Variants in NUP210L observed in about 807,000 individuals in gnomAD.
The protein encoded by NUP210L is nucleoporin 210 like, also known as nuclear pore membrane glycoprotein 210-like.
A neutral mutation model predicts 208.5 loss-of-function variants in NUP210L; 74 were observed. The ratio of observed to expected loss-of-function variants is 0.35; its 90% confidence interval spans 0.29 to 0.43. The LOEUF is 0.43. Ranked by LOEUF, NUP210L falls within the 20% of genes least tolerant of loss-of-function variation. The pLI, the probability that NUP210L is intolerant of heterozygous loss-of-function variation, is 1.00. For synonymous variants in NUP210L, 780 were observed against 816.9 expected (o/e 0.95, Z 0.77); for missense variants, 1,843 against 2,289.4 (o/e 0.81, Z 3.98).
At chr1:154,056,698 G>T in intron 23 of NUP210L, 117 bp downstream of exon 23, 1 of 1,026,346 alleles carries the variant, frequency 9.7e-7, no homozygotes, top group Non-Finnish European at 1.4e-6. Flanking sequence ...TCACATGGTG[G>T]TGTGAGCCAC....
chr1:154,141,580 G>A, intron 3 of NUP210L, 56 bp from the exon 4 acceptor site: 1 of 1,061,782 alleles, frequency 9.4e-7, no homozygotes, highest in Non-Finnish European at 1.5e-6. Flanking sequence ...AAATATTCAG[G>A]TATTTACAAC....
chr1:154,018,898 C>T, intron 33 of NUP210L, 35 bp downstream of exon 33: 2 of 1,609,346 alleles, frequency 1.2e-6, no homozygotes, highest in Non-Finnish European at 1.7e-6. Flanking sequence ...CAATAGTCAC[C>T]CTAGTCTCTT....
At chr1:154,109,087 T>C (rs532634502) in intron 12 of NUP210L, among the ~76,000 whole-genome samples, 1 of 150,656 alleles carries the variant, frequency 6.6e-6, no homozygotes, top group Non-Finnish European at 1.5e-5. Context: ...GCAACAAGAG[T>C]GAAACTCCAT....
At chr1:154,132,908 T>C (rs930674807) in intron 7 of NUP210L, among the ~76,000 whole-genome samples, 1 of 152,206 alleles carries the variant, frequency 6.6e-6, no homozygotes, top group Non-Finnish European at 1.5e-5. Context: ...CTTTCAAGTC[T>C]GATAGAATTT....
At chr1:154,017,652 G>T (rs1251457012) in intron 33 of NUP210L, among the ~76,000 whole-genome samples, 1 of 151,628 alleles carries the variant, frequency 6.6e-6, no homozygotes. Context: ...GAGTAGCTGG[G>T]ATTACAGGTG....
At chr1:154,134,715 C>G (rs1340355748) in intron 7 of NUP210L, among the ~76,000 whole-genome samples, 2 of 110,064 alleles carry the variant, frequency 1.8e-5, no homozygotes, top group Non-Finnish European at 3.4e-5. Context: ...CCGGCCTGGG[C>G]GACAGCGAGA....
At chr1:154,012,394 C>G in intron 33 of NUP210L, 24 bp from the exon 34 acceptor site, 1 of 1,607,098 alleles carries the variant, frequency 6.2e-7, no homozygotes, top group Non-Finnish European at 8.5e-7. Flanking sequence ...AAAGGAAAAT[C>G]TGCACCTAAG....
chr1:154,083,469 C>T (rs1350728183), intron 16 of NUP210L, among the ~76,000 whole-genome samples: 2 of 152,112 alleles, frequency 1.3e-5, no homozygotes, highest in Non-Finnish European at 2.9e-5. Flanking sequence ...CAACTAGAGG[C>T]CAGTTGGTCA....
intron 16 of NUP210L, among the ~76,000 whole-genome samples, chr1:154,076,632 G>C (rs1388033564): frequency 6.6e-6 from 1 of 151,982 alleles, no homozygotes; most frequent in Non-Finnish European, 1.5e-5. Flanking sequence ...GAAAGAATTG[G>C]AGAACTTGAA....
chr1:154,072,327 C>CTTTT lies in NUP210L; in HGVS notation c.2362-1866_2362-1863dup, dbSNP rs1213732819. ...TTTTTTATTTTAATTATGGCCATTCCTTTTTTTTTTTTTTTTTTTTTTTGA... is the reference window on the plus strand; with the variant it reads ...TTTTTTATTTTAATTATGGCCATTCCTTTTTTTTTTTTTTTTTTTTTTTTTTTGA... On this transcript the variant is annotated intron_variant, in intron 16 of 39. Coordinates refer to ENST00000368559, the Ensembl canonical transcript of NUP210L. Among the ~76,000 whole-genome samples the CTTTT allele has an allele frequency of 2.3e-3, 186 of 80,298 alleles. 3 individuals are homozygous for CTTTT. The highest frequency in any genetic ancestry group is 3.0e-3 in the Admixed American group (16 of 5,398). The allele number at this position is 80,298 out of a possible 152,430, so 52.7% of individuals were successfully genotyped here.
At chr1:154,055,151 CTTTCTT>C (rs1394622163) in intron 23 of NUP210L, among the ~76,000 whole-genome samples, 3,795 of 118,950 alleles carry the variant, frequency 0.032, 196 homozygotes, top group African/African-American at 0.1. Flanking sequence ...TTCTTTCTTT[CTTTCTT>C]TCTTTCTTTC....
At chr1:154,064,044 ATATAT>A (rs1303357793) in intron 17 of NUP210L, among the ~76,000 whole-genome samples, 1 of 150,446 alleles carries the variant, frequency 6.6e-6, no homozygotes, top group East Asian at 1.9e-4. Flanking sequence ...ATATGCATAA[ATATAT>A]TAAATAATAT....
intron 10 of NUP210L, among the ~76,000 whole-genome samples, 181 bp downstream of exon 10, chr1:154,126,142 T>A (rs189962030): frequency 1.3e-5 from 2 of 152,266 alleles, no homozygotes; most frequent in Admixed American, 1.3e-4. Context: ...TATTTTAATG[T>A]ACAATAACAT....
chr1:154,043,800 T>C (rs1357378308), intron 27 of NUP210L, among the ~76,000 whole-genome samples: 1 of 151,768 alleles, frequency 6.6e-6, no homozygotes, highest in African/African-American at 2.4e-5. Context: ...CTAAATTTTG[T>C]ATTTTTAGTA....
intron 7 of NUP210L, among the ~76,000 whole-genome samples, chr1:154,130,935 T>G (rs138606882): frequency 4.1e-4 from 62 of 152,112 alleles, no homozygotes; most frequent in African/African-American, 1.4e-3. Context: ...AAAGTTAGGT[T>G]TAGTTCTGAT....
intron 27 of NUP210L, among the ~76,000 whole-genome samples, chr1:154,031,250 C>T (rs1167351241): frequency 6.6e-6 from 1 of 152,140 alleles, no homozygotes; most frequent in East Asian, 1.9e-4. Flanking sequence ...CCACTATGCC[C>T]GACTAATTTT....
intron 16 of NUP210L, among the ~76,000 whole-genome samples, chr1:154,076,646 A>G (rs1161411017): frequency 6.6e-6 from 1 of 152,160 alleles, no homozygotes; most frequent in African/African-American, 2.4e-5. Context: ...ACTTGAAGCT[A>G]GGTCAACTGA....
intron 27 of NUP210L, among the ~76,000 whole-genome samples, chr1:154,036,713 TGGAGTGCAG>T (rs1652577050): frequency 6.6e-6 from 1 of 152,078 alleles, no homozygotes; most frequent in African/African-American, 2.4e-5. Flanking sequence ...TTGCTCAGGC[TGGAGTGCAG>T]GGGCACCATT....
chr1:154,039,082 G>A (rs1652716099), intron 27 of NUP210L, among the ~76,000 whole-genome samples: 1 of 151,996 alleles, frequency 6.6e-6, no homozygotes, highest in Non-Finnish European at 1.5e-5. Flanking sequence ...GGTTTTCTGT[G>A]TACTTACTAT....
Sources: allele counts gnomAD v4.1 joint callset (sites outside exome capture counted in the v4.1 genomes callset), GRCh38; gene constraint gnomAD v4.1.1; transcripts MANE v1.5; gene names NCBI Gene and HGNC (gene_info 2026-07-23, HGNC 2026-07-21).